The following B3GAT3 variants were observed in gnomAD, a reference collection of about 807,000 sequenced individuals.
The protein encoded by B3GAT3 is beta-1,3-glucuronyltransferase 3.
B3GAT3 carries 19 observed loss-of-function variants against 33.1 expected under a neutral mutation model. The observed-to-expected ratio is 0.57, with a 90% CI of 0.40 to 0.84. B3GAT3 has a LOEUF of 0.84. B3GAT3 is among the 40% of genes least tolerant of loss of function. The pLI, the probability that B3GAT3 is intolerant of heterozygous loss-of-function variation, is 0.00. For synonymous variants in B3GAT3, 167 were observed against 193.5 expected (o/e 0.86, Z 1.14); for missense variants, 344 against 441.5 (o/e 0.78, Z 1.98).
At chr11:62,620,133 C>G (rs1027383298) in intron 2 of B3GAT3, among the ~76,000 whole-genome samples, 4 of 152,222 alleles carry the variant, frequency 2.6e-5, no homozygotes, top group Non-Finnish European at 4.4e-5. Flanking sequence ...AAGGGATTCT[C>G]CTGCCTCAGC....
At chr11:62,621,002 G>C (rs1943133645) in intron 1 of B3GAT3, 1 of 521,680 alleles carries the variant, frequency 1.9e-6, no homozygotes, top group South Asian at 1.5e-5. Context: ...AGAGTCCAAG[G>C]TGCCAACTAA....
rs925318149 is a variant in B3GAT3 at position 62,620,776 on chromosome 11, C to T, written c.83-105G>A. On this transcript the variant is annotated intron_variant, in intron 1 of 4. Coordinates refer to ENST00000265471, the MANE Select transcript of B3GAT3 (RefSeq NM_012200.4). The stretch of plus-strand genomic sequence containing the variant: ...TCGTCTCATTAATTCCTAACCAATG[C>T]AGGTATCACCTTATGACTTCCCTAG... The T allele has an allele frequency of 2.7e-5, 31 of 1,141,516 alleles. No individual in the cohort carries two copies. In the Admixed American group the frequency reaches 5.4e-4, roughly 20 times the overall value. The allele number at this position is 1,141,516 out of a possible 1,614,324, so 70.7% of individuals were successfully genotyped here.
chr11:62,616,154 G>A, intron 4 of B3GAT3: 1 of 530,402 alleles, frequency 1.9e-6, no homozygotes, highest in East Asian at 4.1e-5. Context: ...TGAGGCAGGA[G>A]AATGGTGTGA....
At chr11:62,621,814 G>C in intron 1 of B3GAT3, 52 bp downstream of exon 1, 1 of 1,525,272 alleles carries the variant, frequency 6.6e-7, no homozygotes, top group Non-Finnish European at 8.8e-7. Context: ...GGGATGCACG[G>C]CGGCGGGCGC....
At position 62,620,510 on chromosome 11, in the gene B3GAT3, G is replaced by A. The variant is rs1390276151; in HGVS notation, c.244C>T (p.Pro82Ser). ...EALPTIYVVT[P>S]TYARLVQKAE... is the part of the protein sequence containing the mutation. ...CAGAGCCCATACCTGGCATAGGTGG[G>A]GGTAACAACATAGATAGTAGGCAGG... is the stretch of plus-strand genomic sequence containing the variant. Residue 82 changes from proline (P) to serine (S), a missense_variant, in exon 2 of 5, where the codon CCC (proline) becomes TCC (serine). Pro to Ser is a moderately conservative substitution (Grantham distance 74, BLOSUM62 -1). Transcript: ENST00000265471. The A allele has an allele frequency of 1.2e-6, 2 of 1,612,146 alleles. No individual in the cohort carries two copies. Among genetic ancestry groups the A allele is most frequent in the Non-Finnish European group, 1.7e-6 (2 of 1,179,888 alleles).
At chr11:62,615,998 C>T (rs937841578) in intron 4 of B3GAT3, 199 bp from the exon 5 acceptor site, 5 of 1,435,504 alleles carry the variant, frequency 3.5e-6, no homozygotes, top group African/African-American at 2.9e-5. Context: ...AACCCCAGCA[C>T]TTTGGGAGGC....
chr11:62,620,766 C>G, intron 1 of B3GAT3, 95 bp from the exon 2 acceptor site: 1 of 1,247,956 alleles, frequency 8.0e-7, no homozygotes, highest in Non-Finnish European at 1.1e-6. Flanking sequence ...TCATTAATTC[C>G]TAACCAATGC....
Position 62,620,592 on chromosome 11 carries a change from C to T in B3GAT3, c.162G>A (p.Leu54=), listed in dbSNP as rs754743289. Residue 54 remains leucine (L), a synonymous_variant, in exon 2 of 5, where the codon CTG becomes CTA. Coordinates refer to ENST00000265471, the MANE Select transcript of B3GAT3 (RefSeq NM_012200.4). ...GGGGTGGCCGTCGGAGTTCCGCTTG[C>T]AGCTGGGAAATCCTCAGATCCTTCT... ...LRQKDLRISQ[L]QAELRRPPPA... The T allele has an allele frequency of 4.3e-6, 7 of 1,612,726 alleles. No individual in the cohort carries two copies. The highest frequency in any genetic ancestry group is 2.2e-5 in the East Asian group (1 of 44,844).
At position 62,620,598 on chromosome 11, in the gene B3GAT3, G is replaced by C; in HGVS notation, c.156C>G (p.Ser52=). The C allele has an allele frequency of 6.2e-7, 1 of 1,612,866 alleles. No individual in the cohort carries two copies. The highest frequency in any genetic ancestry group is 2.2e-5 in the East Asian group (1 of 44,846). The change falls in exon 2 of 5, where the codon TCC becomes TCG. Residue 52 remains serine (S), a synonymous_variant. Coordinates refer to ENST00000265471, the MANE Select transcript of B3GAT3 (RefSeq NM_012200.4). The part of the protein sequence containing the change: ...EQLRQKDLRI[S]QLQAELRRPP... ...GCCGTCGGAGTTCCGCTTGCAGCTG[G>C]GAAATCCTCAGATCCTTCTGCCGTA...
chr11:62,617,024 T>A lies in B3GAT3; in HGVS notation c.581A>T (p.Asp194Val). The A allele has an allele frequency of 6.2e-7, 1 of 1,614,198 alleles. No homozygotes were observed. Among genetic ancestry groups the A allele is most frequent in the Non-Finnish European group, 8.5e-7 (1 of 1,180,034 alleles). ...PGTQGVVYFADDDNTYSRELF... is the reference protein window; with the variant it reads ...PGTQGVVYFAVDDNTYSRELF... ...CTCCCGGCTGTAGGTGTTGTCATCG[T>A]CAGCAAAGTAGACGACTCCTTGGGT... is the stretch of plus-strand genomic sequence containing the variant. The change falls in exon 3 of 5, where the codon GAC (aspartate) becomes GTC (valine). Residue 194 changes from aspartate (D) to valine (V), a missense_variant. Physicochemically the swap from Asp to Val is radical, Grantham distance 152. Coordinates refer to ENST00000265471, the MANE Select transcript of B3GAT3 (RefSeq NM_012200.4).
rs749647999 is a variant in B3GAT3, at chr11:62,617,242, G to C, written c.363C>G (p.Val121=). The C allele has an allele frequency of 1.2e-6, 2 of 1,613,310 alleles. No homozygotes were observed. Among genetic ancestry groups the C allele is most frequent in the South Asian group, 1.1e-5 (1 of 91,038 alleles). Residue 121 remains valine, a synonymous_variant, in exon 3 of 5, where the codon GTC becomes GTG. Coordinates refer to ENST00000265471, the MANE Select transcript of B3GAT3 (RefSeq NM_012200.4). ...VEDAEGPTPL[V]SGLLAASGLL... ...GGCCAGAGGCAGCCAGCAGCCCTGA[G>C]ACCAGCGGGGTGGGACCCTCAGCAT...
In B3GAT3 at chr11:62,615,382, C is replaced by A. The variant is rs1277852671; in HGVS notation, c.*319G>T. ...GTCCAGCCCAGCTCCTCCAGCCCCC[C>A]AGTGCATGCCCAGCCCCAATAAGTT... On this transcript the variant is annotated 3_prime_UTR_variant, in exon 5 of 5. Coordinates refer to ENST00000265471, the MANE Select transcript of B3GAT3 (RefSeq NM_012200.4). 1 of 499,336 alleles carries A rather than the reference C, an allele frequency of 2.0e-6. No individual in the cohort carries two copies. The highest frequency in any genetic ancestry group is 3.7e-6 in the Non-Finnish European group (1 of 273,406). 30.9% of individuals were successfully genotyped at this position (499,336 alleles called of 1,614,324 possible).
chr11:62,620,393 C>G (rs1259321384), intron 2 of B3GAT3, 104 bp downstream of exon 2: 1 of 1,061,256 alleles, frequency 9.4e-7, no homozygotes, highest in East Asian at 2.4e-5. Flanking sequence ...TTGGCATGCT[C>G]TAGTTTGAGG....
rs369693069 is a variant in B3GAT3, at chr11:62,616,806, G to A, written c.619-10C>T. The A allele has an allele frequency of 6.2e-7, 1 of 1,613,912 alleles. No homozygotes were observed. The highest frequency in any genetic ancestry group is 8.5e-7 in the Non-Finnish European group (1 of 1,179,992). On this transcript the variant is annotated splice_polypyrimidine_tract_variant and intron_variant, in intron 3 of 4. Coordinates refer to ENST00000265471, the MANE Select transcript of B3GAT3 (RefSeq NM_012200.4). ...CACGGGTCCAGCGCATCTAACGGAG[G>A]TCGGGAGAGAAGAAACAGAGGGGTG... is the stretch of plus-strand genomic sequence containing the variant.
chr11:62,615,784 T>C lies in B3GAT3; in HGVS notation c.925A>G (p.Thr309Ala). 1 of 1,613,884 alleles carries C rather than the reference T, an allele frequency of 6.2e-7. No homozygotes were observed. Among genetic ancestry groups the C allele is most frequent in the Non-Finnish European group, 8.5e-7 (1 of 1,180,022 alleles). The change falls in exon 5 of 5, where the codon ACT (threonine) becomes GCT (alanine). Residue 309 changes from threonine to alanine, a missense_variant. Transcript: ENST00000265471. Reference sequence around the variant, plus strand: ...TTCATCTTGGGCTTCTCTGTCCGAGTATGCCACACCAGTACCTGTGCCAGG... The same window carrying C: ...TTCATCTTGGGCTTCTCTGTCCGAGCATGCCACACCAGTACCTGTGCCAGG... ...ANCTRVLVWH[T>A]RTEKPKMKQE...
At chr11:62,616,256 A>AAC in intron 4 of B3GAT3, 1 of 620,798 alleles carries the variant, frequency 1.6e-6, no homozygotes, top group Non-Finnish European at 2.8e-6. Context: ...AAAAAAAAAA[A>AAC]AACAACAAAC....
intron 1 of B3GAT3, chr11:62,621,410 G>A (rs1943141590): frequency 4.6e-6 from 2 of 437,446 alleles, no homozygotes; most frequent in African/African-American, 4.0e-5. Context: ...TAGCTATGGT[G>A]GTCAGGGAAG....
intron 2 of B3GAT3, among the ~76,000 whole-genome samples, chr11:62,619,755 GCTGGTCT>G (rs1943110176): frequency 8.4e-6 from 1 of 118,766 alleles, no homozygotes. Context: ...TGTTGCCCAG[GCTGGTCT>G]CAAACTCCTG....
In B3GAT3 at chr11:62,616,747, C is replaced by T. The variant is rs756581799; in HGVS notation, c.668G>A (p.Gly223Asp). The change falls in exon 4 of 5, where the codon GGC (glycine) becomes GAC (aspartate). Residue 223 changes from glycine to aspartate, a missense_variant. Coordinates refer to ENST00000265471, the MANE Select transcript of B3GAT3 (RefSeq NM_012200.4). ...TACCTGAGGGCCCTCGAATCGCAGG[C>T]CGCCCACCAGCCCCACAGGCCACAC... ...VSVWPVGLVG[G>D]LRFEGPQVQD... 10 of 1,613,946 alleles carry T rather than the reference C, an allele frequency of 6.2e-6. No homozygotes were observed. Among genetic ancestry groups the T allele is most frequent in the Non-Finnish European group, 8.5e-6 (10 of 1,179,936 alleles).
Sources: gnomAD v4.1 joint callset for allele counts (sites outside exome capture counted in the v4.1 genomes callset) on GRCh38, gnomAD v4.1.1 for gene constraint, MANE v1.5 for transcripts, NCBI Gene and HGNC (gene_info 2026-07-23, HGNC 2026-07-21) for gene names.